The following CES4A variants were observed in gnomAD, a reference collection of about 807,000 sequenced individuals.
The protein encoded by CES4A is carboxylesterase 6.
CES4A carries 48 observed loss-of-function variants against 65.4 expected under a neutral mutation model. The ratio of observed to expected loss-of-function variants is 0.73; its 90% CI spans 0.58 to 0.93. CES4A has a LOEUF of 0.93. Among genes scored for constraint, CES4A ranks in the 40% least tolerant of loss-of-function variants. The pLI is 0.00. For synonymous variants in CES4A, 247 were observed against 281.8 expected (o/e 0.88, Z 1.24); for missense variants, 685 against 728.5 (o/e 0.94, Z 0.69).
Position 67,000,980 on chromosome 16 carries a change from G to C in CES4A, c.526G>C (p.Gly176Arg). Residue 176 changes from glycine (G) to arginine (R), a missense_variant, in exon 4 of 14, where the codon GGC becomes CGC. Transcript: ENST00000648724. This position sits in a 1 kb window ranked among gnomAD's most constrained non-coding sequence, Gnocchi z 4.2. ...TCTGCAGCACAGGCTCGGCATCTTC[G>C]GCTTCCTGAGGTGGCGGGGCCGGTA... The C allele has an allele frequency of 6.2e-7, 1 of 1,612,816 alleles. No individual in the cohort carries two copies.
At chr16:66,996,079 C>A in intron 2 of CES4A, 1 of 593,166 alleles carries the variant, frequency 1.7e-6, no homozygotes, top group Non-Finnish European at 3.2e-6. Context: ...CGCTCTGTCG[C>A]CAGGCTGGAG....
intron 5 of CES4A, among the ~76,000 whole-genome samples, chr16:67,002,863 C>G (rs925665229): frequency 6.6e-6 from 1 of 152,128 alleles, no homozygotes; most frequent in African/African-American, 2.4e-5. Flanking sequence ...CCCTCTGGAA[C>G]CCACTGGGGC....
intron 11 of CES4A, chr16:67,006,084 GC>G (rs1965738662): frequency 3.1e-6 from 1 of 319,176 alleles, no homozygotes; most frequent in African/African-American, 2.1e-5. Flanking sequence ...TCAATATGAG[GC>G]CAAGAAAGGA....
rs1006380543 is a variant in CES4A, at chr16:67,005,130, T to G, written c.1162-110T>G. The G allele has an allele frequency of 4.3e-6, 5 of 1,164,886 alleles. No homozygotes were observed. The African/African-American group carries it at 7.7e-5, about 18-fold the overall frequency. The allele number at this position is 1,164,886 out of a possible 1,614,324, so 72.2% of individuals were successfully genotyped here. A position where few individuals can be genotyped will look rare whatever the true frequency, so the allele number is the denominator to read the frequency against. On this transcript the variant is annotated intron_variant, in intron 10 of 13. Transcript: ENST00000648724. Reference sequence around the variant, plus strand: ...TCCCAGGAAGCTCCCTTTCTCCCCCTCCCAGGCCAAAAACTCCTGGGGGGC... The same window carrying G: ...TCCCAGGAAGCTCCCTTTCTCCCCCGCCCAGGCCAAAAACTCCTGGGGGGC...
intron 2 of CES4A, among the ~76,000 whole-genome samples, chr16:66,998,836 G>A (rs1355696789): frequency 6.6e-6 from 1 of 152,090 alleles, no homozygotes; most frequent in Non-Finnish European, 1.5e-5. Flanking sequence ...ACTCCAGCCT[G>A]GCCGACAGAG....
At chr16:66,995,267 G>A (rs867057298) in intron 1 of CES4A, among the ~76,000 whole-genome samples, 45 of 151,768 alleles carry the variant, frequency 3.0e-4, no homozygotes, top group African/African-American at 1.0e-3. Flanking sequence ...CCGAGATTGC[G>A]CCACTGCACT....
intron 12 of CES4A, 21 bp from the exon 13 acceptor site, chr16:67,006,724 C>T: frequency 1.2e-6 from 2 of 1,612,842 alleles, no homozygotes; most frequent in Non-Finnish European, 1.7e-6. Flanking sequence ...TCCGAAATCC[C>T]ACATCCCATT....
At chr16:66,995,034 G>A (rs1014816865) in intron 1 of CES4A, among the ~76,000 whole-genome samples, 4 of 148,950 alleles carry the variant, frequency 2.7e-5, no homozygotes, top group African/African-American at 5.0e-5. Flanking sequence ...AATGAGGGCC[G>A]GGCGTGGTGG....
chr16:66,993,624 G>A (rs145977811), intron 1 of CES4A, among the ~76,000 whole-genome samples: 10 of 152,194 alleles, frequency 6.6e-5, no homozygotes, highest in South Asian at 2.1e-4. Context: ...GATTATAGGC[G>A]TGAGCCACTG....
intron 11 of CES4A, 136 bp from the exon 12 acceptor site, chr16:67,006,255 G>C: frequency 1.2e-6 from 1 of 868,414 alleles, no homozygotes; most frequent in Non-Finnish European, 1.7e-6. Flanking sequence ...GTGCAGACAG[G>C]ATTCAAGTCT....
chr16:67,010,214 C>T (rs531334172), downstream of CES4A, among the ~76,000 whole-genome samples: 2 of 151,598 alleles, frequency 1.3e-5, no homozygotes, highest in African/African-American at 4.8e-5. Flanking sequence ...TACAGATGCC[C>T]ACCACCATGC....
At position 67,000,465 on chromosome 16, in the gene CES4A, C is replaced by A; in HGVS notation, c.261-173C>A. The A allele has an allele frequency of 4.2e-6, 6 of 1,422,096 alleles. No individual in the cohort carries two copies. The highest frequency in any genetic ancestry group is 5.5e-6 in the Non-Finnish European group (6 of 1,091,770). 88.1% of individuals were successfully genotyped at this position (1,422,096 alleles called of 1,614,324 possible). On this transcript the variant is annotated intron_variant, in intron 2 of 13. Coordinates refer to ENST00000648724, the Ensembl canonical transcript of CES4A. The surrounding 1 kb of genome is among the most constrained non-coding windows in gnomAD (Gnocchi z 4.2). The stretch of plus-strand genomic sequence containing the variant: ...CTGAGAGGCCAACCTGCCTCCCAGT[C>A]CTGGGCCCCGGGGCTGGCGGAGGCC...
chr16:67,005,234 A>G lies in CES4A; in HGVS notation c.1162-6A>G, dbSNP rs1965660774. ...GGCCTCAGGTAAGTGTGGCCTCCTC[A>G]CTCAGAATATCACCAAGGAGCAGGT... On this transcript the variant is annotated splice_polypyrimidine_tract_variant and splice_region_variant and intron_variant, in intron 10 of 13. Transcript: ENST00000648724. The G allele has an allele frequency of 1.2e-6, 2 of 1,613,872 alleles. No homozygotes were observed. Among genetic ancestry groups the G allele is most frequent in the Non-Finnish European group, 1.7e-6 (2 of 1,179,956 alleles).
chr16:67,006,806 T>G, exon 13 of CES4A: 1 of 1,614,140 alleles, frequency 6.2e-7, no homozygotes, highest in Non-Finnish European at 8.5e-7. Flanking sequence ...GGGCCAACTT[T>G]GCCCGCACAG....
chr16:66,994,839 C>CAAAAA (rs530758138), intron 1 of CES4A, among the ~76,000 whole-genome samples: 2 of 126,154 alleles, frequency 1.6e-5, no homozygotes, highest in African/African-American at 5.8e-5. Flanking sequence ...AACTCCATCT[C>CAAAAA]AAAAAAAAAA....
rs911648724 is a variant in CES4A, at chr16:67,003,213, G to T, written c.795+39G>T. On this transcript the variant is annotated intron_variant, in intron 6 of 13. Coordinates refer to ENST00000648724, the Ensembl canonical transcript of CES4A. The surrounding 1 kb of genome is among the most constrained non-coding windows in gnomAD (Gnocchi z 4.2). ...CTTCCCCAGGGCTCAGCATGGAAGGGCAGGATGGAAGCACCACTGAGCATC... is the reference window on the plus strand; with the variant it reads ...CTTCCCCAGGGCTCAGCATGGAAGGTCAGGATGGAAGCACCACTGAGCATC... The T allele has an allele frequency of 6.2e-7, 1 of 1,612,168 alleles. No individual in the cohort carries two copies. Among genetic ancestry groups the T allele is most frequent in the African/African-American group, 1.3e-5 (1 of 74,880 alleles).
chr16:66,990,042 C>A (rs1210476129), intron 1 of CES4A, among the ~76,000 whole-genome samples: 3 of 141,574 alleles, frequency 2.1e-5, no homozygotes, highest in South Asian at 2.2e-4. Context: ...TTCTTTTCAT[C>A]TTTTCTTTTT....
chr16:66,990,793 T>A (rs1964328050), intron 1 of CES4A, among the ~76,000 whole-genome samples: 1 of 152,028 alleles, frequency 6.6e-6, no homozygotes, highest in Admixed American at 6.6e-5. Context: ...TTTTTTAATT[T>A]AAGTTATTAC....
chr16:67,006,605 G>T, intron 12 of CES4A, 86 bp downstream of exon 12: 1 of 1,562,768 alleles, frequency 6.4e-7, no homozygotes, highest in South Asian at 1.1e-5. Context: ...GCTGGCCACA[G>T]GGAGCTCACC....
Sources: allele counts gnomAD v4.1 joint callset (sites outside exome capture counted in the v4.1 genomes callset), GRCh38; gene constraint gnomAD v4.1.1; non-coding constraint Gnocchi (gnomAD v3.1); transcripts MANE v1.5; gene names NCBI Gene and HGNC (gene_info 2026-07-23, HGNC 2026-07-21).